ANKFN1: variants seen among roughly 807,000 people sequenced by gnomAD.
The protein encoded by ANKFN1 is ankyrin repeat and fibronectin type-III domain-containing protein 1.
Under a neutral mutation model 108.7 loss-of-function variants are expected in ANKFN1, and 74 were observed. That is an observed-to-expected ratio of 0.68 (90% confidence interval 0.56 to 0.83). The LOEUF is 0.83. Among genes scored for constraint, ANKFN1 ranks in the 40% least tolerant of loss-of-function variants. ANKFN1 has a pLI of 0.00. For missense variants in ANKFN1, 1,505 were observed against 1,382.3 expected, an observed-to-expected ratio of 1.09 and a Z score of -1.41; for synonymous variants, 547 against 516.2, an observed-to-expected ratio of 1.06 and a Z score of -0.81.
Position 56,409,052 on chromosome 17 carries a change from G to C in ANKFN1, c.911-31275G>C, listed in dbSNP as rs149458962. On this transcript the variant is annotated intron_variant, in intron 8 of 20. Coordinates refer to ENST00000682825, the MANE Select transcript of ANKFN1 (RefSeq NM_001370326.1). Reference sequence around the variant, plus strand: ...AAATTCTCCTGCCTCAGCCTCCTAAGTAGCTGAGATTAAAGGCGCCTGCCA... The same window carrying C: ...AAATTCTCCTGCCTCAGCCTCCTAACTAGCTGAGATTAAAGGCGCCTGCCA... Among the ~76,000 whole-genome samples, 603 of 151,610 alleles carry C rather than the reference G, an allele frequency of 4.0e-3. 2 individuals carry two copies. The highest frequency in any genetic ancestry group is 6.7e-3 in the Non-Finnish European group (452 of 67,922).
chr17:56,350,828 A>G lies in ANKFN1; in HGVS notation c.251A>G (p.His84Arg), dbSNP rs376262477. The change falls in exon 5 of 21, where the codon CAT becomes CGT. Residue 84 changes from histidine to arginine, a missense_variant. Physicochemically the swap from His to Arg is conservative, Grantham distance 29. Transcript: ENST00000682825. ...QNLHLCQSKK[H>R]SAPSSPNAAK... is the part of the protein sequence containing the mutation. Reference sequence around the variant, plus strand: ...TTACATCTCTGTCAGTCAAAAAAACATAGTGCTCCCTCATCTCCCAACGCA... The same window carrying G: ...TTACATCTCTGTCAGTCAAAAAAACGTAGTGCTCCCTCATCTCCCAACGCA... 1.2e-6 allele frequency: 2 copies of G among 1,613,784 alleles called. No individual in the cohort carries two copies. The highest frequency in any genetic ancestry group is 1.7e-5 in the Admixed American group (1 of 59,958).
intron 3 of ANKFN1, among the ~76,000 whole-genome samples, chr17:56,260,590 G>A (rs748092607): frequency 2.6e-5 from 4 of 152,142 alleles, no homozygotes; most frequent in South Asian, 4.2e-4. Context: ...AGTAACATAC[G>A]GATTGCATTT....
At chr17:56,337,364 G>C (rs1238051479) in intron 4 of ANKFN1, among the ~76,000 whole-genome samples, 2 of 152,066 alleles carry the variant, frequency 1.3e-5, no homozygotes, top group Non-Finnish European at 2.9e-5. Flanking sequence ...AAGTCTCTTT[G>C]TAGGTCTCTA....
Position 56,317,184 on chromosome 17 carries a change from G to A in ANKFN1, c.54-9037G>A, listed in dbSNP as rs555203058. ...ACATCATAACATGTTAGAGCTAGAA[G>A]TGACTTTCAACGTCATCTAGCATGA... On this transcript the variant is annotated intron_variant, in intron 3 of 20. Transcript: ENST00000682825. 3.9e-5 allele frequency among the ~76,000 whole-genome samples: 6 copies of A among 152,242 alleles called. No individual in the cohort carries two copies. In the East Asian group the frequency reaches 1.2e-3, roughly 29 times the overall value.
In ANKFN1 at chr17:56,511,032, C is replaced by T. The variant is rs186058348; in HGVS notation, c.3204C>T (p.His1068=). ...ATCCCAGGGGCCTAACTCTGGCCCA[C>T]GCTGCCAGCCTTCCTGAGGAGCGGA... is the stretch of plus-strand genomic sequence containing the variant. The part of the protein sequence containing the change: ...LDDPRGLTLA[H]AASLPEERNS... The change falls in exon 21 of 21, where the codon CAC becomes CAT. Residue 1068 remains histidine (H), a synonymous_variant. Coordinates refer to ENST00000682825, the MANE Select transcript of ANKFN1 (RefSeq NM_001370326.1). 1,432 of 1,536,002 alleles carry T rather than the reference C, an allele frequency of 9.3e-4. 4 individuals are homozygous for T. The African/African-American group carries it at 0.015, about 16-fold the overall frequency.
intron 8 of ANKFN1, among the ~76,000 whole-genome samples, chr17:56,399,088 G>A (rs1208630487): frequency 6.6e-6 from 1 of 151,954 alleles, no homozygotes; most frequent in African/African-American, 2.4e-5. Context: ...TCAATAAGAA[G>A]GCTACTGGGC....
intron 1 of ANKFN1, among the ~76,000 whole-genome samples, chr17:56,154,008 A>G (rs180725974): frequency 1.7e-4 from 26 of 149,968 alleles, no homozygotes; most frequent in African/African-American, 4.9e-4. Context: ...GAGAAGTAAA[A>G]TTTTTTCTAA....
intron 1 of ANKFN1, among the ~76,000 whole-genome samples, chr17:56,175,736 A>T (rs1487621409): frequency 6.6e-6 from 1 of 152,152 alleles, no homozygotes; most frequent in African/African-American, 2.4e-5. Flanking sequence ...AGCCCTATGC[A>T]TTCAGTTATC....
intron 4 of ANKFN1, among the ~76,000 whole-genome samples, chr17:56,145,719 A>G (rs947222973): frequency 2.6e-5 from 4 of 152,150 alleles, no homozygotes; most frequent in Non-Finnish European, 5.9e-5. Context: ...GACCCTCCCA[A>G]ATCTCCTGTC....
intron 3 of ANKFN1, among the ~76,000 whole-genome samples, chr17:56,305,194 A>T (rs1274387145): frequency 6.6e-6 from 1 of 152,098 alleles, no homozygotes; most frequent in Non-Finnish European, 1.5e-5. Flanking sequence ...GTGAGAACTC[A>T]CTCACTATCA....
chr17:56,213,949 A>G lies in ANKFN1; in HGVS notation c.12+1270A>G, dbSNP rs150587966. ...ACATATATCCACACATCCCAAATGG[A>G]CATTCTTGTGCCCCAGGAAGCAAGA... On this transcript the variant is annotated intron_variant, in intron 2 of 20. Coordinates refer to ENST00000682825, the MANE Select transcript of ANKFN1 (RefSeq NM_001370326.1). Among the ~76,000 whole-genome samples, 630 of 152,316 alleles carry G rather than the reference A, an allele frequency of 4.1e-3. 8 individuals are homozygous for G. The highest frequency in any genetic ancestry group is 0.014 in the African/African-American group (601 of 41,576).
At chr17:56,228,252 C>T in intron 3 of ANKFN1, 2 of 296,004 alleles carry the variant, frequency 6.8e-6, no homozygotes, top group East Asian at 7.2e-5. Context: ...CCATGTGACA[C>T]TAAACATTTA....
intron 1 of ANKFN1, among the ~76,000 whole-genome samples, chr17:56,168,670 T>C (rs1009780220): frequency 1.3e-5 from 2 of 152,262 alleles, no homozygotes; most frequent in African/African-American, 4.8e-5. Context: ...TGTTTAGTTT[T>C]GGTTTAGTTC....
intron 4 of ANKFN1, among the ~76,000 whole-genome samples, chr17:56,103,864 A>G (rs958875884): frequency 3.9e-5 from 6 of 152,190 alleles, no homozygotes; most frequent in Non-Finnish European, 5.9e-5. Flanking sequence ...TGACAAAGTG[A>G]TATTTGAACT....
intron 4 of ANKFN1, among the ~76,000 whole-genome samples, chr17:56,053,200 G>A (rs903047742): frequency 1.3e-5 from 2 of 151,848 alleles, no homozygotes; most frequent in Non-Finnish European, 2.9e-5. Context: ...GTATCTGTGG[G>A]GAACATGAGA....
chr17:56,193,886 A>T (rs1913246229), intron 1 of ANKFN1, among the ~76,000 whole-genome samples: 1 of 152,250 alleles, frequency 6.6e-6, no homozygotes, highest in African/African-American at 2.4e-5. Flanking sequence ...TATCTGATAA[A>T]GGATTGTCAT....
At chr17:56,414,602 G>A (rs114101075) in intron 8 of ANKFN1, among the ~76,000 whole-genome samples, 1 of 152,176 alleles carries the variant, frequency 6.6e-6, no homozygotes, top group Non-Finnish European at 1.5e-5. Flanking sequence ...AGAAAGAACT[G>A]GTTCGACATA....
intron 3 of ANKFN1, among the ~76,000 whole-genome samples, chr17:56,325,418 C>T (rs1222677199): frequency 1.3e-5 from 2 of 152,146 alleles, no homozygotes; most frequent in South Asian, 2.1e-4. Context: ...ACATATGCAG[C>T]TTTCTAGGAA....
intron 4 of ANKFN1, among the ~76,000 whole-genome samples, chr17:56,047,285 A>G (rs1293468099): frequency 2.0e-5 from 3 of 152,076 alleles, no homozygotes; most frequent in African/African-American, 7.2e-5. Context: ...GTTTCTCAGC[A>G]TGTCATGCTG....
Sources: allele counts gnomAD v4.1 joint callset (sites outside exome capture counted in the v4.1 genomes callset), GRCh38; gene constraint gnomAD v4.1.1; transcripts MANE v1.5; gene names NCBI Gene and HGNC (gene_info 2026-07-23, HGNC 2026-07-21).